The following SSX3 variants were observed in gnomAD, a reference collection of about 807,000 sequenced individuals.
The protein encoded by SSX3 is SSX family member 3.
A neutral mutation model predicts 14.8 loss-of-function variants in SSX3; 6 were observed. The observed-to-expected ratio is 0.41, with a 90% CI of 0.22 to 0.80. The LOEUF (loss-of-function observed/expected upper bound fraction) is 0.80. Ranked by LOEUF, SSX3 falls within the 30% of genes least tolerant of loss-of-function variation. The probability of loss-of-function intolerance (pLI) is 0.34; values close to 1 mark genes in which losing one functional copy is unlikely to be tolerated. For missense variants in SSX3, 163 were observed against 152.2 expected, an observed-to-expected ratio of 1.07 and a Z score of -0.37; for synonymous variants, 55 against 52.9, an observed-to-expected ratio of 1.04 and a Z score of -0.18.
rs1392756947 is a variant in SSX3 at position 48,349,823 on chromosome X, G to T, written c.466+164C>A. 4 of 1,138,681 alleles carry T rather than the reference G, an allele frequency of 3.5e-6. No homozygotes were observed. The Admixed American group carries it at 1.3e-4, about 36-fold the overall frequency. The allele number at this position is 1,138,681 out of a possible 1,213,427, so 93.8% of individuals were successfully genotyped here. On this transcript the variant is annotated intron_variant, in intron 6 of 7. Transcript: ENST00000298396. ...TTTTTTTATATGGATGACAACTCCA[G>T]TCTGTCTCTGGAAGTCATGTCTAAC...
rs1339728508 is a variant in SSX3, at chrX:48,354,613, A to T, written c.184+19T>A. ...CTCATGTGTCCCCAGACTTGTCTGT[A>T]CCTAGAACTTTCTGTTACCTAGTTT... On this transcript the variant is annotated intron_variant, in intron 3 of 7. Transcript: ENST00000298396. 1 of 1,191,931 alleles carries T rather than the reference A, an allele frequency of 8.4e-7. No homozygotes were observed. The highest frequency in any genetic ancestry group is 1.1e-6 in the Non-Finnish European group (1 of 879,608).
At chrX:48,353,790 A>G (rs1222186514) in intron 4 of SSX3, among the ~76,000 whole-genome samples, 1 of 110,680 alleles carries the variant, frequency 9.0e-6, no homozygotes. Flanking sequence ...CCATTTACTT[A>G]TTATCCATAA....
chrX:48,356,619 T>C lies in SSX3; in HGVS notation c.-21+15A>G, dbSNP rs1377655414. ...GGGTAGGAAGAATGGAAAAAGAAAA[T>C]CAGTGTATTCTTACTCTGATTTTGG... On this transcript the variant is annotated intron_variant, in intron 1 of 7. Coordinates refer to ENST00000298396, the MANE Select transcript of SSX3 (RefSeq NM_021014.4). 2 of 110,457 alleles carry C rather than the reference T, an allele frequency of 1.8e-5. No homozygotes were observed. The highest frequency in any genetic ancestry group is 3.8e-5 in the Non-Finnish European group (2 of 52,846). 9.1% of individuals were successfully genotyped at this position (110,457 alleles called of 1,213,427 possible).
At chrX:48,350,231 C>G (rs1354266515) in intron 5 of SSX3, 109 bp from the exon 6 acceptor site, 34 of 1,095,406 alleles carry the variant, frequency 3.1e-5, no homozygotes, top group African/African-American at 7.4e-5. Flanking sequence ...TTCTCAACAA[C>G]ACTGGGAGAG....
At chrX:48,355,707 C>G (rs1256759469) in intron 1 of SSX3, among the ~76,000 whole-genome samples, 11 of 111,329 alleles carry the variant, frequency 9.9e-5, no homozygotes, top group Non-Finnish European at 2.1e-4. Flanking sequence ...GGTGATGGAT[C>G]TGATCAGGCA....
intron 6 of SSX3, 107 bp downstream of exon 6, chrX:48,349,880 C>T: frequency 8.5e-7 from 1 of 1,175,421 alleles, no homozygotes; most frequent in East Asian, 3.0e-5. Context: ...GCTCCTCAGC[C>T]CAGCCTGGAC....
intron 7 of SSX3, 137 bp from the exon 8 acceptor site, chrX:48,347,172 G>T: frequency 1.1e-6 from 1 of 878,572 alleles, no homozygotes; most frequent in Non-Finnish European, 1.7e-6. Context: ...CACCTTCCAC[G>T]GTTCCTCGAA....
chrX:48,355,841 C>G (rs2061284949), intron 1 of SSX3, among the ~76,000 whole-genome samples: 1 of 111,881 alleles, frequency 8.9e-6, no homozygotes, highest in Non-Finnish European at 1.9e-5. Context: ...TCTGAGACTA[C>G]AAGAGCCCGC....
chrX:48,350,864 G>T (rs1252957014), intron 5 of SSX3, among the ~76,000 whole-genome samples: 1 of 105,322 alleles, frequency 9.5e-6, no homozygotes, highest in Admixed American at 1.1e-4. Context: ...TCTGACTCCC[G>T]CGTTTAAGCG....
chrX:48,353,883 T>A, intron 4 of SSX3, 116 bp downstream of exon 4: 1 of 781,821 alleles, frequency 1.3e-6, no homozygotes, highest in Non-Finnish European at 1.9e-6. Flanking sequence ...ATTTTTTTTT[T>A]CACTCTGCCC....
At position 48,354,642 on chromosome X, in the gene SSX3, C is replaced by A; in HGVS notation, c.174G>T (p.Met58Ile). ...YVYMKRKYEAMTKLGFKAILP... is the reference protein window; with the variant it reads ...YVYMKRKYEAITKLGFKAILP... ...AGAACTTTCTGTTACCTAGTTTAGT[C>A]ATGGCCTCATACTTTCTCTTCATAT... The change falls in exon 3 of 8, where the codon ATG (methionine) becomes ATT (isoleucine). Residue 58 changes from methionine to isoleucine, a missense_variant. By Grantham distance (10) the Met-to-Ile change is conservative. Transcript: ENST00000298396. The A allele has an allele frequency of 8.3e-7, 1 of 1,206,104 alleles. No homozygotes were observed. The highest frequency in any genetic ancestry group is 1.1e-6 in the Non-Finnish European group (1 of 891,713).
chrX:48,349,468 T>A, intron 6 of SSX3: 1 of 1,135,958 alleles, frequency 8.8e-7, no homozygotes, highest in Non-Finnish European at 1.2e-6. Context: ...ATTGCACACT[T>A]AGTAGACTAC....
chrX:48,346,851 A>G lies in SSX3; in HGVS notation c.*189T>C. ...ACAGAATGACACACTTCAAGAAAAT[A>G]CAATGGAAACGCTAATATCGTACTC... On this transcript the variant is annotated 3_prime_UTR_variant, in exon 8 of 8. Transcript: ENST00000298396. 1 of 735,502 alleles carries G rather than the reference A, an allele frequency of 1.4e-6. No homozygotes were observed. The highest frequency in any genetic ancestry group is 2.0e-6 in the Non-Finnish European group (1 of 491,328). 60.6% of individuals were successfully genotyped at this position (735,502 alleles called of 1,213,427 possible). A position where few individuals can be genotyped will look rare whatever the true frequency, so the allele number is the denominator to read the frequency against.
chrX:48,354,600 C>T (rs1490963188), intron 3 of SSX3, 32 bp downstream of exon 3: 2 of 1,175,265 alleles, frequency 1.7e-6, no homozygotes, highest in African/African-American at 3.6e-5. Context: ...CATGTGTCCC[C>T]AGACTTGTCT....
chrX:48,353,683 A>C (rs1245741766), intron 4 of SSX3, among the ~76,000 whole-genome samples: 2 of 111,663 alleles, frequency 1.8e-5, no homozygotes, highest in Non-Finnish European at 3.8e-5. Flanking sequence ...CTGTCTGTGC[A>C]GCACTCAGCA....
rs1477678089 is a variant in SSX3 at position 48,346,681 on chromosome X, T to C, written c.*359A>G. The C allele has an allele frequency of 9.3e-5, 33 of 356,090 alleles. No individual in the cohort carries two copies. The highest frequency in any genetic ancestry group is 1.6e-4 in the Non-Finnish European group (32 of 201,025). The allele number at this position is 356,090 out of a possible 1,213,427, so 29.3% of individuals were successfully genotyped here. On this transcript the variant is annotated 3_prime_UTR_variant, in exon 8 of 8. Coordinates refer to ENST00000298396, the MANE Select transcript of SSX3 (RefSeq NM_021014.4). ...ATTAAACACTCAGAACTGCCCTCAG[T>C]AGTCACATCTAGGGAGAGAGGAGGG...
chrX:48,348,956 G>A (rs782126224), intron 6 of SSX3, among the ~76,000 whole-genome samples: 32 of 112,176 alleles, frequency 2.9e-4, no homozygotes, highest in Admixed American at 2.0e-3. Context: ...GAAAGAAGCC[G>A]TCTCTATAAC....
intron 4 of SSX3, among the ~76,000 whole-genome samples, chrX:48,352,842 C>CT (rs1364964191): frequency 8.9e-6 from 1 of 112,092 alleles, no homozygotes; most frequent in East Asian, 2.8e-4. Flanking sequence ...AAGAACCTGT[C>CT]TTTTTTTCAT....
intron 5 of SSX3, among the ~76,000 whole-genome samples, chrX:48,351,013 C>T (rs2061260505): frequency 9.1e-6 from 1 of 110,038 alleles, no homozygotes; most frequent in Non-Finnish European, 1.9e-5. Context: ...TTGTGATCTG[C>T]CCGACTCAGC....
Sources: gnomAD v4.1 joint callset for allele counts (sites outside exome capture counted in the v4.1 genomes callset) on GRCh38, gnomAD v4.1.1 for gene constraint, MANE v1.5 for transcripts, NCBI Gene and HGNC (gene_info 2026-07-23, HGNC 2026-07-21) for gene names.